INVS: variants seen among roughly 807,000 people sequenced by gnomAD.
INVS encodes the protein inversin.
Under a neutral mutation model 108.8 loss-of-function variants are expected in INVS, and 86 were observed. That is an observed-to-expected ratio of 0.79 (90% CI 0.66 to 0.95). INVS has a LOEUF of 0.95. Among genes scored for constraint, INVS ranks in the 40% least tolerant of loss-of-function variants. The pLI, the probability that INVS is intolerant of heterozygous loss-of-function variation, is 0.00. For synonymous variants in INVS, 455 were observed against 473.5 expected, an observed-to-expected ratio of 0.96 and a Z score of 0.51; for missense variants, 1,169 against 1,297.4, an observed-to-expected ratio of 0.90 and a Z score of 1.52.
At chr9:100,152,971 T>C (rs1195187145) in intron 3 of INVS, among the ~76,000 whole-genome samples, 1 of 151,944 alleles carries the variant, frequency 6.6e-6, no homozygotes, top group Non-Finnish European at 1.5e-5. Context: ...TATGTAACTT[T>C]GGTTATTTCA....
At position 100,253,150 on chromosome 9, in the gene INVS, CTT is replaced by C; in HGVS notation, c.1464+17_1464+18del. On this transcript the variant is annotated intron_variant, in intron 10 of 16. Transcript: ENST00000262457. ...CAAGACAAAGAGGTAGAAATTCTGT[CTT>C]TTCTATATTGTTTGCTCCAAAGAAT... 9 of 1,581,830 alleles carry C rather than the reference CTT, an allele frequency of 5.7e-6. No individual in the cohort carries two copies. Among genetic ancestry groups the C allele is most frequent in the Non-Finnish European group, 7.8e-6 (9 of 1,151,864 alleles).
chr9:100,156,254 AT>A (rs1254830054), intron 3 of INVS, among the ~76,000 whole-genome samples: 1 of 148,152 alleles, frequency 6.7e-6, no homozygotes, highest in African/African-American at 2.6e-5. Flanking sequence ...TGAGTTAGGA[AT>A]ACTTTTTTTT....
At chr9:100,201,670 A>C (rs1394760909) in intron 3 of INVS, among the ~76,000 whole-genome samples, 1 of 152,242 alleles carries the variant, frequency 6.6e-6, no homozygotes, top group Non-Finnish European at 1.5e-5. Context: ...ACAACAAGAT[A>C]TAAGACTGGA....
At chr9:100,133,913 AT>A (rs1828136826) in intron 3 of INVS, among the ~76,000 whole-genome samples, 1 of 152,128 alleles carries the variant, frequency 6.6e-6, no homozygotes, top group South Asian at 2.1e-4. Context: ...TGATAGTTTT[AT>A]TTAGAAAAGC....
At chr9:100,298,494 G>C (rs1405295374) in intron 16 of INVS, among the ~76,000 whole-genome samples, 1 of 152,128 alleles carries the variant, frequency 6.6e-6, no homozygotes. Flanking sequence ...ACCAAGACAA[G>C]AGTGTTTTAC....
chr9:100,293,170 G>A, intron 14 of INVS, 127 bp downstream of exon 14: 2 of 794,666 alleles, frequency 2.5e-6, no homozygotes, highest in Admixed American at 2.0e-5. Flanking sequence ...ATTTTATAGA[G>A]CCTACCCATG....
chr9:100,296,434 T>C (rs907922121), intron 14 of INVS, among the ~76,000 whole-genome samples: 1 of 152,232 alleles, frequency 6.6e-6, no homozygotes, highest in African/African-American at 2.4e-5. Flanking sequence ...TGCTTCCACA[T>C]TGTGTTACTG....
intron 3 of INVS, among the ~76,000 whole-genome samples, chr9:100,162,430 G>T (rs540795077): frequency 6.6e-6 from 1 of 152,146 alleles, no homozygotes; most frequent in Non-Finnish European, 1.5e-5. Flanking sequence ...CTGTAATCAG[G>T]ATGTTGGCTT....
intron 2 of INVS, among the ~76,000 whole-genome samples, chr9:100,115,489 G>A (rs1486704092): frequency 1.3e-5 from 2 of 151,868 alleles, no homozygotes; most frequent in Non-Finnish European, 1.5e-5. Flanking sequence ...AGTGTGTGAT[G>A]TTCCCCTTCC....
intron 10 of INVS, among the ~76,000 whole-genome samples, chr9:100,257,744 CTTCTGGCTTGTAGAGT>C (rs1225334720): frequency 6.6e-6 from 1 of 152,234 alleles, no homozygotes; most frequent in African/African-American, 2.4e-5. Flanking sequence ...CCCCCACTCT[CTTCTGGCTTGTAGAGT>C]TTCTGCCAAG....
chr9:100,206,421 A>G (rs1486361758), intron 3 of INVS, among the ~76,000 whole-genome samples: 1 of 152,124 alleles, frequency 6.6e-6, no homozygotes, highest in African/African-American at 2.4e-5. Flanking sequence ...AAAAGTTTCA[A>G]GAACAGTACA....
At chr9:100,110,789 C>T (rs1226777305) in intron 2 of INVS, among the ~76,000 whole-genome samples, 1 of 152,134 alleles carries the variant, frequency 6.6e-6, no homozygotes, top group Admixed American at 6.5e-5. Flanking sequence ...GCAAGTCTTA[C>T]AGCTATGATA....
At chr9:100,254,911 G>C (rs1476554839) in intron 10 of INVS, among the ~76,000 whole-genome samples, 1 of 152,070 alleles carries the variant, frequency 6.6e-6, no homozygotes, top group Non-Finnish European at 1.5e-5. Flanking sequence ...CTCTTTTTTG[G>C]TTCCATGTGA....
rs1387095133 is a variant in INVS, at chr9:100,163,183, TCTA to T, written c.273+36635_273+36637del. 5.8e-3 allele frequency among the ~76,000 whole-genome samples: 706 copies of T among 122,502 alleles called. 1 individual carries two copies. Among genetic ancestry groups the T allele is most frequent in the African/African-American group, 0.011 (307 of 28,620 alleles). The allele number at this position is 122,502 out of a possible 152,430, so 80.4% of individuals were successfully genotyped here. On this transcript the variant is annotated intron_variant, in intron 3 of 16. Transcript: ENST00000262457. The stretch of plus-strand genomic sequence containing the variant: ...ACTTTTACCCTAACTTGATGTTCTT[TCTA>T]TTTTTTTTTTTTTTTTTTTAGCAAA...
At chr9:100,184,191 C>G (rs1301057359) in intron 3 of INVS, among the ~76,000 whole-genome samples, 1 of 151,884 alleles carries the variant, frequency 6.6e-6, no homozygotes, top group African/African-American at 2.4e-5. Context: ...GTTTCACTTC[C>G]CAAGATTCTA....
intron 2 of INVS, among the ~76,000 whole-genome samples, chr9:100,108,762 T>A (rs888466528): frequency 1.3e-5 from 2 of 152,206 alleles, no homozygotes; most frequent in Non-Finnish European, 2.9e-5. Context: ...CAGATGAGTG[T>A]CTCTTTCTAC....
chr9:100,257,412 A>T (rs1370959683), intron 10 of INVS, among the ~76,000 whole-genome samples: 2 of 152,146 alleles, frequency 1.3e-5, no homozygotes, highest in Non-Finnish European at 2.9e-5. Flanking sequence ...TTTACATTTA[A>T]GGTTAATATT....
At position 100,189,870 on chromosome 9, in the gene INVS, G is replaced by A. The variant is rs574652354; in HGVS notation, c.274-36192G>A. The stretch of plus-strand genomic sequence containing the variant: ...CTCCCAAAGTGCTAGGATTACAGGC[G>A]TGAGCCACTGTGCCCAGCAAAGTAT... On this transcript the variant is annotated intron_variant, in intron 3 of 16. Coordinates refer to ENST00000262457, the MANE Select transcript of INVS (RefSeq NM_014425.5). 3.7e-4 allele frequency among the ~76,000 whole-genome samples: 56 copies of A among 152,088 alleles called. No homozygotes were observed. In the South Asian group the frequency reaches 5.4e-3, roughly 15 times the overall value.
chr9:100,211,415 C>CTA (rs1382430289), intron 3 of INVS, among the ~76,000 whole-genome samples: 27 of 152,274 alleles, frequency 1.8e-4, no homozygotes, highest in African/African-American at 6.0e-4. Context: ...ATAAAATAGG[C>CTA]TATATTAGTC....
Sources: gnomAD v4.1 joint callset for allele counts (sites outside exome capture counted in the v4.1 genomes callset) on GRCh38, gnomAD v4.1.1 for gene constraint, MANE v1.5 for transcripts, NCBI Gene and HGNC (gene_info 2026-07-23, HGNC 2026-07-21) for gene names.